The following TAF1 variants were observed in gnomAD, a reference collection of about 807,000 sequenced individuals.
TAF1 encodes TATA-box binding protein associated factor 1.
In TAF1, 2 loss-of-function variants were observed where a neutral mutation model predicts 138.5. The ratio of observed to expected loss-of-function variants is 0.01; its 90% CI spans 0.01 to 0.05. The LOEUF (loss-of-function observed/expected upper bound fraction) is 0.05. TAF1 is among the 10% of genes least tolerant of loss of function. TAF1 has a pLI of 1.00. For synonymous variants in TAF1, 437 were observed against 503.2 expected (o/e 0.87, Z 1.76); for missense variants, 709 against 1,478.0 (o/e 0.48, Z 8.53).
chrX:71,504,394 A>G (rs945824886), intron 13 of TAF1, among the ~76,000 whole-genome samples: 2 of 110,128 alleles, frequency 1.8e-5, no homozygotes, highest in Non-Finnish European at 3.8e-5. Flanking sequence ...TCTGGCCCTC[A>G]AGGGGAAAAC....
intron 32 of TAF1, among the ~76,000 whole-genome samples, chrX:71,426,417 G>GAT (rs1312503691): frequency 9.1e-6 from 1 of 109,808 alleles, no homozygotes; most frequent in Non-Finnish European, 1.9e-5. Context: ...GAAATTGCAT[G>GAT]ATAGGTTTAG....
At chrX:71,383,225 A>C in intron 12 of TAF1, 61 bp downstream of exon 12, 4 of 1,107,943 alleles carry the variant, frequency 3.6e-6, no homozygotes, top group Non-Finnish European at 4.9e-6. Flanking sequence ...AATTAAGGGA[A>C]TGTACCAGGT....
At chrX:71,490,178 C>CT (rs1460221779) in intron 13 of TAF1, among the ~76,000 whole-genome samples, 1 of 112,394 alleles carries the variant, frequency 8.9e-6, no homozygotes, top group Non-Finnish European at 1.9e-5. Flanking sequence ...CCTGCCACCT[C>CT]TGTCTTGTGA....
intron 37 of TAF1, among the ~76,000 whole-genome samples, chrX:71,462,566 G>A (rs2038596570): frequency 1.8e-5 from 2 of 111,245 alleles, no homozygotes; most frequent in South Asian, 7.7e-4. Context: ...GCAAGACTCA[G>A]TCTCAAAATG....
chrX:71,506,929 A>G (rs191099225), intron 13 of TAF1, among the ~76,000 whole-genome samples: 304 of 111,948 alleles, frequency 2.7e-3, no homozygotes, highest in Non-Finnish European at 4.9e-3. Flanking sequence ...TACAACATAG[A>G]TGAACCTCAA....
At chrX:71,434,029 T>C (rs1367838029) in intron 32 of TAF1, among the ~76,000 whole-genome samples, 1 of 112,185 alleles carries the variant, frequency 8.9e-6, no homozygotes, top group Admixed American at 9.5e-5. Flanking sequence ...AAAACGTTGT[T>C]GGTTCAGCCA....
At chrX:71,372,592 T>G (rs1484391017) in intron 3 of TAF1, among the ~76,000 whole-genome samples, 1 of 108,945 alleles carries the variant, frequency 9.2e-6, no homozygotes, top group Admixed American at 9.9e-5. Flanking sequence ...TGAGCTATGA[T>G]TGAGCTTCTG....
chrX:71,408,342 G>T (rs1319645006), intron 28 of TAF1, among the ~76,000 whole-genome samples, 191 bp downstream of exon 28: 1 of 110,631 alleles, frequency 9.0e-6, no homozygotes, highest in African/African-American at 3.3e-5. Context: ...TAAGGAGGGG[G>T]TTGGAGTCTC....
chrX:71,434,919 G>C (rs2037065090), intron 32 of TAF1, among the ~76,000 whole-genome samples: 1 of 112,565 alleles, frequency 8.9e-6, no homozygotes, highest in Non-Finnish European at 1.9e-5. Flanking sequence ...AATTGGCAGA[G>C]GCCTTACTAC....
intron 12 of TAF1, among the ~76,000 whole-genome samples, 179 bp downstream of exon 12, chrX:71,383,343 A>G (rs766796722): frequency 6.3e-4 from 71 of 112,255 alleles, no homozygotes; most frequent in Non-Finnish European, 9.6e-4. Flanking sequence ...AAAATATTTA[A>G]AGGTGAGGTG....
At chrX:71,377,299 A>G (rs2033545618) in intron 5 of TAF1, 108 bp downstream of exon 5, 6 of 1,101,394 alleles carry the variant, frequency 5.4e-6, no homozygotes, top group Admixed American at 2.6e-5. Context: ...ACTCAGTGAC[A>G]TATTATTGGC....
At chrX:71,418,761 ATTTTTTT>A (rs1259701142) in intron 28 of TAF1, among the ~76,000 whole-genome samples, 77 of 70,653 alleles carry the variant, frequency 1.1e-3, no homozygotes, top group Non-Finnish European at 1.6e-3. Flanking sequence ...CAGTATGGAG[ATTTTTTT>A]TTTTTTTTTT....
At chrX:71,371,923 G>A (rs1569268592) in intron 3 of TAF1, among the ~76,000 whole-genome samples, 1 of 111,827 alleles carries the variant, frequency 8.9e-6, no homozygotes, top group Non-Finnish European at 1.9e-5. Flanking sequence ...TATGGTAAAT[G>A]CTCTGTAAAT....
downstream of TAF1, among the ~76,000 whole-genome samples, chrX:71,467,083 A>ATT (rs1473568310): frequency 1.1e-5 from 1 of 89,536 alleles, no homozygotes; most frequent in African/African-American, 4.0e-5. Flanking sequence ...ATGGGAGGGC[A>ATT]TTCTTTTTTT....
intron 24 of TAF1, among the ~76,000 whole-genome samples, chrX:71,400,099 G>T (rs1286017524): frequency 9.5e-6 from 1 of 105,058 alleles, no homozygotes; most frequent in Non-Finnish European, 2.0e-5. Context: ...TGTTTGTTTG[G>T]TTTTTTTAGA....
intron 28 of TAF1, among the ~76,000 whole-genome samples, chrX:71,419,162 TTA>T (rs928229855): frequency 9.0e-6 from 1 of 111,564 alleles, no homozygotes; most frequent in African/African-American, 3.3e-5. Flanking sequence ...ATCACAAATT[TTA>T]TATGTTAAGT....
intron 24 of TAF1, among the ~76,000 whole-genome samples, chrX:71,401,326 C>T (rs769955632): frequency 4.1e-4 from 46 of 111,073 alleles, no homozygotes; most frequent in Non-Finnish European, 2.6e-4. Flanking sequence ...ATGCGTGGAT[C>T]GTGGTACGTG....
chrX:71,483,784 A>C (rs768294593), intron 13 of TAF1, among the ~76,000 whole-genome samples: 1,078 of 87,681 alleles, frequency 0.012, 4 homozygotes, highest in Non-Finnish European at 0.014. Flanking sequence ...CTCTCTCTAT[A>C]TATATATATA....
At chrX:71,370,001 G>A (rs1420729940) in intron 3 of TAF1, among the ~76,000 whole-genome samples, 1 of 110,142 alleles carries the variant, frequency 9.1e-6, no homozygotes, top group Non-Finnish European at 1.9e-5. Context: ...CAGGTGGGCA[G>A]ATCACGTGAG....
Sources: allele counts gnomAD v4.1 joint callset (sites outside exome capture counted in the v4.1 genomes callset), GRCh38; gene constraint gnomAD v4.1.1; transcripts MANE v1.5; gene names NCBI Gene and HGNC (gene_info 2026-07-23, HGNC 2026-07-21).